The following CLCN4 variants were observed in gnomAD, a reference collection of about 807,000 sequenced individuals.
The protein encoded by CLCN4 is Cl-/H+ antiporter 4.
A neutral mutation model predicts 41.7 loss-of-function variants in CLCN4; 1 was observed. That is an observed-to-expected ratio of 0.02 (90% CI 0.01 to 0.11). CLCN4 has a LOEUF of 0.11. Among genes scored for constraint, CLCN4 ranks in the 10% least tolerant of loss-of-function variants. The pLI is 1.00. For synonymous variants in CLCN4, 277 were observed against 285.8 expected, an observed-to-expected ratio of 0.97 and a Z score of 0.31; for missense variants, 287 against 661.0, an observed-to-expected ratio of 0.43 and a Z score of 6.20.
chrX:10,183,604 T>A (rs1338403825), intron 2 of CLCN4, among the ~76,000 whole-genome samples: 1 of 112,251 alleles, frequency 8.9e-6, no homozygotes, highest in Non-Finnish European at 1.9e-5. Context: ...GTATTCTTTT[T>A]TCTGCTAACT....
chrX:10,215,901 A>G (rs2147184904), intron 11 of CLCN4, among the ~76,000 whole-genome samples: 1 of 112,277 alleles, frequency 8.9e-6, no homozygotes, highest in Non-Finnish European at 1.9e-5. Context: ...CAGACCGATA[A>G]TAATATAGAA....
intron 12 of CLCN4, among the ~76,000 whole-genome samples, chrX:10,222,784 G>A (rs1363735681): frequency 1.8e-5 from 2 of 111,923 alleles, no homozygotes; most frequent in African/African-American, 6.5e-5. Flanking sequence ...CACACAGGGG[G>A]ACAGGCTTTG....
chrX:10,183,899 G>A (rs1923745420), intron 2 of CLCN4, among the ~76,000 whole-genome samples: 2 of 112,429 alleles, frequency 1.8e-5, no homozygotes, highest in South Asian at 3.7e-4. Context: ...CTTGCCCAGG[G>A]CAGCGTGCCA....
intron 8 of CLCN4, among the ~76,000 whole-genome samples, chrX:10,207,779 T>C (rs1924433631): frequency 8.9e-6 from 1 of 112,117 alleles, no homozygotes; most frequent in Non-Finnish European, 1.9e-5. Context: ...GGGGAGTCTC[T>C]GTGCCATGAA....
At chrX:10,191,152 A>G (rs1248451512) in intron 4 of CLCN4, among the ~76,000 whole-genome samples, 1 of 111,451 alleles carries the variant, frequency 9.0e-6, no homozygotes, top group African/African-American at 3.3e-5. Flanking sequence ...CATGCCCAAA[A>G]GAATCATTAT....
chrX:10,218,056 C>CT (rs956550183), intron 11 of CLCN4, among the ~76,000 whole-genome samples: 1 of 111,684 alleles, frequency 9.0e-6, no homozygotes, highest in African/African-American at 3.3e-5. Flanking sequence ...AATGTACATT[C>CT]TTTTTTAAGA....
chrX:10,206,895 G>GTTT, intron 8 of CLCN4, 119 bp downstream of exon 8: 4 of 416,220 alleles, frequency 9.6e-6, no homozygotes, highest in South Asian at 1.1e-4. Flanking sequence ...AATTTCCACT[G>GTTT]TTTTTTTTTT....
At chrX:10,230,650 AAAG>A (rs1235378251) in intron 12 of CLCN4, among the ~76,000 whole-genome samples, 2 of 112,012 alleles carry the variant, frequency 1.8e-5, no homozygotes, top group Non-Finnish European at 3.8e-5. Flanking sequence ...ATCTCACCGC[AAAG>A]AAGAGTGCTA....
chrX:10,160,649 C>T (rs187351140), intron 2 of CLCN4, among the ~76,000 whole-genome samples: 55 of 111,454 alleles, frequency 4.9e-4, no homozygotes, highest in Non-Finnish European at 3.6e-4. Context: ...TGGTGGGGGA[C>T]GTGGTGAGGA....
intron 5 of CLCN4, among the ~76,000 whole-genome samples, chrX:10,197,446 A>G (rs1201338602): frequency 9.0e-6 from 1 of 110,983 alleles, no homozygotes; most frequent in Admixed American, 9.6e-5. Context: ...TGGACCATGG[A>G]CCCCACCCTG....
intron 4 of CLCN4, among the ~76,000 whole-genome samples, chrX:10,189,770 T>G (rs6530377): frequency 0.38 from 42,578 of 110,977 alleles, 6,942 homozygotes; most frequent in African/African-American, 0.62. Context: ...CATCTCCGCA[T>G]GTGCTTATCA....
chrX:10,186,940 C>A (rs766021525), intron 3 of CLCN4, among the ~76,000 whole-genome samples: 1 of 111,775 alleles, frequency 8.9e-6, no homozygotes, highest in South Asian at 3.7e-4. Context: ...AACATTTGCC[C>A]ACCACTGCTC....
At chrX:10,164,096 G>C (rs1923182270) in intron 2 of CLCN4, among the ~76,000 whole-genome samples, 1 of 112,306 alleles carries the variant, frequency 8.9e-6, no homozygotes, top group African/African-American at 3.2e-5. Flanking sequence ...TTGAGTGAAA[G>C]GATGGACAGC....
chrX:10,184,571 G>A (rs961365085), intron 2 of CLCN4, among the ~76,000 whole-genome samples: 2 of 112,008 alleles, frequency 1.8e-5, no homozygotes, highest in Non-Finnish European at 3.8e-5. Flanking sequence ...GCAATGCAGT[G>A]CTGGGAAGCT....
rs1009130567 is a variant in CLCN4, at chrX:10,237,557, TA to T, written c.*3974del. On this transcript the variant is annotated 3_prime_UTR_variant, in exon 13 of 13. Transcript: ENST00000380833. ...ACATAGCAACGTGTTGGTTTTTTTTTATTGTAACACTCTGTGTAAACGTTGA... is the reference window on the plus strand; with the variant it reads ...ACATAGCAACGTGTTGGTTTTTTTTTTTGTAACACTCTGTGTAAACGTTGA... The T allele has an allele frequency of 8.9e-6, 1 of 111,878 alleles. No individual in the cohort carries two copies. The highest frequency in any genetic ancestry group is 1.9e-5 in the Non-Finnish European group (1 of 53,181). The allele number at this position is 111,878 out of a possible 1,213,427, so 9.2% of individuals were successfully genotyped here. A position where few individuals can be genotyped will look rare whatever the true frequency, so the allele number is the denominator to read the frequency against.
chrX:10,178,462 C>T (rs976903742), intron 2 of CLCN4, among the ~76,000 whole-genome samples: 11 of 111,609 alleles, frequency 9.9e-5, no homozygotes, highest in Admixed American at 2.9e-4. Context: ...TGACTTCCCC[C>T]AGGTAATCCA....
At chrX:10,227,673 C>T (rs779627237) in intron 12 of CLCN4, among the ~76,000 whole-genome samples, 2 of 111,845 alleles carry the variant, frequency 1.8e-5, no homozygotes, top group Non-Finnish European at 3.8e-5. Context: ...TCCTATACCA[C>T]AGTCCTTGGC....
intron 2 of CLCN4, among the ~76,000 whole-genome samples, chrX:10,162,019 T>G (rs1416425776): frequency 1.1e-5 from 1 of 95,067 alleles, no homozygotes; most frequent in Admixed American, 1.1e-4. Context: ...GAGTCTTTTT[T>G]TTTTTTTTTT....
At chrX:10,175,945 C>CCTCT (rs1259375232) in intron 2 of CLCN4, among the ~76,000 whole-genome samples, 445 of 41,988 alleles carry the variant, frequency 0.011, 6 homozygotes, top group African/African-American at 0.038. Flanking sequence ...CCTCCCTCTC[C>CCTCT]CTCTCTCTCT....
Sources: allele counts gnomAD v4.1 joint callset (sites outside exome capture counted in the v4.1 genomes callset), GRCh38; gene constraint gnomAD v4.1.1; transcripts MANE v1.5; gene names NCBI Gene and HGNC (gene_info 2026-07-23, HGNC 2026-07-21).